CLEC9A: variants seen among roughly 807,000 people sequenced by gnomAD.
CLEC9A encodes C-type lectin domain family 9 member A.
Under a neutral mutation model 30.0 loss-of-function variants are expected in CLEC9A, and 24 were observed. The observed-to-expected ratio is 0.80, with a 90% CI of 0.58 to 1.13. The LOEUF is 1.13. CLEC9A is among the 50% of genes most tolerant of loss of function. The probability of loss-of-function intolerance (pLI) is 0.00; values close to 1 mark genes in which losing one functional copy is unlikely to be tolerated. For synonymous variants in CLEC9A, 111 were observed against 96.8 expected (o/e 1.15, Z -0.86); for missense variants, 251 against 280.9 (o/e 0.89, Z 0.76).
intron 5 of CLEC9A, among the ~76,000 whole-genome samples, chr12:10,060,204 G>A (rs565682645): frequency 7.9e-5 from 12 of 152,270 alleles, no homozygotes; most frequent in African/African-American, 1.2e-4. Context: ...ACTCTTGAGC[G>A]TATACCTCAT....
intron 2 of CLEC9A, among the ~76,000 whole-genome samples, chr12:10,047,207 CTG>C (rs988376530): frequency 2.0e-5 from 3 of 152,182 alleles, no homozygotes; most frequent in African/African-American, 7.2e-5. Context: ...TTATTTTTAA[CTG>C]TTTATTTAGA....
intron 5 of CLEC9A, among the ~76,000 whole-genome samples, chr12:10,055,126 G>A (rs1865929023): frequency 6.6e-6 from 1 of 152,182 alleles, no homozygotes; most frequent in Non-Finnish European, 1.5e-5. Flanking sequence ...TTAGAGGAAC[G>A]TTTTAAGAAT....
At chr12:10,059,113 A>G (rs936549916) in intron 5 of CLEC9A, among the ~76,000 whole-genome samples, 13 of 152,230 alleles carry the variant, frequency 8.5e-5, no homozygotes, top group Non-Finnish European at 1.8e-4. Context: ...TGATTAACAT[A>G]TCATAAACTT....
At chr12:10,062,827 C>G (rs1315859191) in intron 6 of CLEC9A, among the ~76,000 whole-genome samples, 2 of 151,986 alleles carry the variant, frequency 1.3e-5, no homozygotes, top group African/African-American at 4.8e-5. Context: ...AAATATATCC[C>G]AAAATTAATT....
chr12:10,034,278 A>T (rs1865725836), intron 1 of CLEC9A, among the ~76,000 whole-genome samples: 1 of 152,256 alleles, frequency 6.6e-6, no homozygotes, highest in Non-Finnish European at 1.5e-5. Flanking sequence ...CAGCTGTCAT[A>T]GTGGAAGTAA....
At chr12:10,063,344 A>T in intron 7 of CLEC9A, 138 bp downstream of exon 7, 1 of 832,430 alleles carries the variant, frequency 1.2e-6, no homozygotes, top group Non-Finnish European at 1.7e-6. Context: ...GTTTAAAAGA[A>T]ACAAAGTTGG....
At chr12:10,048,001 A>C (rs1177331713) in intron 2 of CLEC9A, among the ~76,000 whole-genome samples, 2 of 151,590 alleles carry the variant, frequency 1.3e-5, no homozygotes, top group Non-Finnish European at 2.9e-5. Context: ...TGGGAGGCCG[A>C]GGCGGGTGGA....
intron 2 of CLEC9A, among the ~76,000 whole-genome samples, chr12:10,047,781 T>A (rs980954478): frequency 6.6e-6 from 1 of 152,200 alleles, no homozygotes; most frequent in African/African-American, 2.4e-5. Context: ...AAAAACACAA[T>A]ACTGTATTGC....
intron 3 of CLEC9A, chr12:10,052,360 C>A: frequency 3.2e-6 from 1 of 308,398 alleles, no homozygotes; most frequent in Non-Finnish European, 5.2e-6. Context: ...TTTGCACTTA[C>A]ATCTTTTTCT....
chr12:10,035,900 C>T lies in CLEC9A; in HGVS notation c.-318+4928C>T, dbSNP rs184802265. Among the ~76,000 whole-genome samples, 18 of 152,288 alleles carry T rather than the reference C, an allele frequency of 1.2e-4. No homozygotes were observed. In the South Asian group the frequency reaches 2.3e-3, roughly 19 times the overall value. Reference sequence around the variant, plus strand: ...GATTACAGGAGTTAGCCACCATGCCCGGTGCCTGGTACTGCTTTTTACAAG... The same window carrying T: ...GATTACAGGAGTTAGCCACCATGCCTGGTGCCTGGTACTGCTTTTTACAAG... On this transcript the variant is annotated intron_variant, in intron 1 of 8. Transcript: ENST00000355819.
At chr12:10,048,595 A>G (rs1591888886) in intron 2 of CLEC9A, among the ~76,000 whole-genome samples, 2 of 152,200 alleles carry the variant, frequency 1.3e-5, no homozygotes, top group Admixed American at 1.3e-4. Flanking sequence ...CAGCGTGTTC[A>G]CCAGGAGTAA....
At chr12:10,050,114 T>C (rs1195176272) in intron 2 of CLEC9A, among the ~76,000 whole-genome samples, 1 of 152,218 alleles carries the variant, frequency 6.6e-6, no homozygotes, top group Non-Finnish European at 1.5e-5. Context: ...GAACAGCCAG[T>C]TGGTGGAACA....
intron 4 of CLEC9A, 152 bp downstream of exon 4, chr12:10,052,930 GA>G: frequency 1.2e-6 from 1 of 801,040 alleles, no homozygotes; most frequent in Non-Finnish European, 1.8e-6. Context: ...AGTGGAGAAG[GA>G]TTAAGTAACG....
chr12:10,045,556 C>T (rs1172819387), intron 2 of CLEC9A: 2 of 282,242 alleles, frequency 7.1e-6, no homozygotes, highest in East Asian at 1.8e-4. Context: ...AGGCACTCTA[C>T]CTTCTGTGAG....
chr12:10,046,495 T>A (rs1591887973), intron 2 of CLEC9A, among the ~76,000 whole-genome samples: 1 of 152,176 alleles, frequency 6.6e-6, no homozygotes, highest in African/African-American at 2.4e-5. Flanking sequence ...GTTAAAATGC[T>A]TTATTTAGGT....
chr12:10,062,926 G>A lies in CLEC9A; in HGVS notation c.320-129G>A, dbSNP rs1866009589. On this transcript the variant is annotated intron_variant, in intron 6 of 8. Coordinates refer to ENST00000355819, the MANE Select transcript of CLEC9A (RefSeq NM_207345.4). Reference sequence around the variant, plus strand: ...CTCAGAGAAGCTGAAATTGGTAAGTGCTACATCATGTGGACCATTACGTTA... The same window carrying A: ...CTCAGAGAAGCTGAAATTGGTAAGTACTACATCATGTGGACCATTACGTTA... 4.6e-6 allele frequency: 3 copies of A among 657,810 alleles called. No homozygotes were observed. The Admixed American group carries it at 1.1e-4, about 23-fold the overall frequency. The allele number at this position is 657,810 out of a possible 1,614,324, so 40.7% of individuals were successfully genotyped here. A position where few individuals can be genotyped will look rare whatever the true frequency, so the allele number is the denominator to read the frequency against.
intron 2 of CLEC9A, among the ~76,000 whole-genome samples, chr12:10,050,316 C>T (rs1483619030): frequency 2.0e-5 from 3 of 152,058 alleles, no homozygotes; most frequent in Non-Finnish European, 4.4e-5. Context: ...ATAAAGTAAC[C>T]ATATGTTGTT....
chr12:10,046,039 A>T (rs1452991764), intron 2 of CLEC9A, among the ~76,000 whole-genome samples: 4 of 152,248 alleles, frequency 2.6e-5, no homozygotes, highest in Admixed American at 2.6e-4. Flanking sequence ...GTGACGTAAC[A>T]AAAAGAATAC....
chr12:10,052,803 T>C (rs756739810), intron 4 of CLEC9A, 25 bp downstream of exon 4: 38 of 1,608,442 alleles, frequency 2.4e-5, no homozygotes, highest in Non-Finnish European at 3.0e-5. Flanking sequence ...CTATTTTGTG[T>C]GAGACTTTAG....
Sources: gnomAD v4.1 joint callset for allele counts (sites outside exome capture counted in the v4.1 genomes callset) on GRCh38, gnomAD v4.1.1 for gene constraint, MANE v1.5 for transcripts, NCBI Gene and HGNC (gene_info 2026-07-23, HGNC 2026-07-21) for gene names.